ROBO1: variants seen among roughly 807,000 people sequenced by gnomAD.
ROBO1 encodes the protein roundabout homolog 1.
In ROBO1, 149 loss-of-function variants were observed where a neutral mutation model predicts 195.9. The observed-to-expected ratio is 0.76, with a 90% CI of 0.67 to 0.87. The LOEUF (loss-of-function observed/expected upper bound fraction) is 0.87. Among genes scored for constraint, ROBO1 ranks in the 40% least tolerant of loss-of-function variants. The probability of loss-of-function intolerance (pLI) is 0.00; values close to 1 mark genes in which losing one functional copy is unlikely to be tolerated. For missense variants in ROBO1, 1,933 were observed against 2,068.3 expected, an observed-to-expected ratio of 0.93 and a Z score of 1.27; for synonymous variants, 816 against 733.2, an observed-to-expected ratio of 1.11 and a Z score of -1.82.
At chr3:79,056,559 C>A (rs2078813090) in intron 3 of ROBO1, among the ~76,000 whole-genome samples, 1 of 152,056 alleles carries the variant, frequency 6.6e-6, no homozygotes, top group Admixed American at 6.6e-5. Flanking sequence ...AAAGGACTTC[C>A]AAAAACTCTT....
chr3:79,185,609 G>C (rs1473210436), intron 2 of ROBO1, among the ~76,000 whole-genome samples: 1 of 151,938 alleles, frequency 6.6e-6, no homozygotes, highest in Non-Finnish European at 1.5e-5. Flanking sequence ...CTGTCTCCAG[G>C]GTACTTGTTT....
At chr3:79,667,509 A>G (rs114580864) in intron 1 of ROBO1, among the ~76,000 whole-genome samples, 3 of 152,024 alleles carry the variant, frequency 2.0e-5, no homozygotes, top group Non-Finnish European at 4.4e-5. Flanking sequence ...AAGGAATAAC[A>G]GCACAGTATG....
At chr3:78,644,424 A>G (rs2107584633) in intron 21 of ROBO1, among the ~76,000 whole-genome samples, 1 of 152,320 alleles carries the variant, frequency 6.6e-6, no homozygotes, top group South Asian at 2.1e-4. Context: ...GCATGAATAA[A>G]TAATTCTAAA....
chr3:79,584,993 T>C (rs1278176692), intron 2 of ROBO1, among the ~76,000 whole-genome samples: 1 of 152,004 alleles, frequency 6.6e-6, no homozygotes, highest in East Asian at 1.9e-4. Context: ...TCTTATATTA[T>C]GATTTTCTTC....
At chr3:79,017,818 G>T (rs2077988320) in intron 3 of ROBO1, among the ~76,000 whole-genome samples, 1 of 152,144 alleles carries the variant, frequency 6.6e-6, no homozygotes, top group South Asian at 2.1e-4. Context: ...AACCCAGCGA[G>T]GCAGTGGCTA....
intron 1 of ROBO1, among the ~76,000 whole-genome samples, chr3:79,746,926 T>TA (rs1423957286): frequency 6.6e-6 from 1 of 152,098 alleles, no homozygotes; most frequent in African/African-American, 2.4e-5. Context: ...ATTTTCTTTG[T>TA]AAAAAAGCAT....
At chr3:78,962,840 A>AAAAAAC (rs1338217610) in intron 3 of ROBO1, among the ~76,000 whole-genome samples, 2 of 151,254 alleles carry the variant, frequency 1.3e-5, no homozygotes, top group African/African-American at 4.9e-5. Context: ...AAAAAAAAAA[A>AAAAAAC]AAAAAAAAAC....
intron 3 of ROBO1, among the ~76,000 whole-genome samples, chr3:79,070,112 A>G (rs2079062623): frequency 6.6e-6 from 1 of 151,722 alleles, no homozygotes; most frequent in Non-Finnish European, 1.5e-5. Context: ...AGTCTTAACT[A>G]AACAATATCT....
At chr3:78,968,768 C>T (rs2076702315) in intron 3 of ROBO1, among the ~76,000 whole-genome samples, 2 of 152,108 alleles carry the variant, frequency 1.3e-5, no homozygotes, top group African/African-American at 4.8e-5. Flanking sequence ...TGCAATGCAT[C>T]CTTCTTGGCT....
intron 4 of ROBO1, among the ~76,000 whole-genome samples, chr3:78,915,828 A>T (rs2038529053): frequency 6.6e-6 from 1 of 152,036 alleles, no homozygotes; most frequent in Admixed American, 6.6e-5. Context: ...GCTAATTTTT[A>T]AAAAATGTTT....
chr3:79,172,021 A>G (rs1024157121), intron 2 of ROBO1, among the ~76,000 whole-genome samples: 7 of 152,162 alleles, frequency 4.6e-5, no homozygotes, highest in African/African-American at 1.7e-4. Context: ...GTATGTGATA[A>G]AGTAAAACAA....
At chr3:78,649,334 C>T (rs1706502250) in intron 19 of ROBO1, among the ~76,000 whole-genome samples, 1 of 152,038 alleles carries the variant, frequency 6.6e-6, no homozygotes, top group African/African-American at 2.4e-5. Flanking sequence ...TCACTGCTAG[C>T]ACACGAAATA....
chr3:79,568,303 AG>A (rs1055479951), intron 2 of ROBO1, among the ~76,000 whole-genome samples: 3 of 152,150 alleles, frequency 2.0e-5, no homozygotes, highest in African/African-American at 7.2e-5. Context: ...ACCCTTATAA[AG>A]GGGCAAAAGG....
chr3:79,542,887 T>C (rs1942127881), intron 2 of ROBO1, among the ~76,000 whole-genome samples: 1 of 152,082 alleles, frequency 6.6e-6, no homozygotes. Flanking sequence ...AAATTTCCCT[T>C]TAATATAGCA....
chr3:78,890,547 C>G (rs1191403388), intron 4 of ROBO1, among the ~76,000 whole-genome samples: 1 of 152,152 alleles, frequency 6.6e-6, no homozygotes, highest in Non-Finnish European at 1.5e-5. Flanking sequence ...GGAGCCCAAA[C>G]TGATCAGCAC....
chr3:78,883,274 G>C (rs183119077), intron 4 of ROBO1, among the ~76,000 whole-genome samples: 1 of 151,682 alleles, frequency 6.6e-6, no homozygotes, highest in Admixed American at 6.6e-5. Flanking sequence ...AGGTGGCACA[G>C]AATTTAGTAT....
intron 2 of ROBO1, among the ~76,000 whole-genome samples, chr3:79,437,751 A>T (rs1559899107): frequency 6.6e-6 from 1 of 151,926 alleles, no homozygotes; most frequent in Non-Finnish European, 1.5e-5. Context: ...GTATAGTGGG[A>T]GTTGGTGATG....
At chr3:79,275,662 A>G (rs879377425) in intron 2 of ROBO1, among the ~76,000 whole-genome samples, 1 of 152,024 alleles carries the variant, frequency 6.6e-6, no homozygotes, top group Admixed American at 6.6e-5. Flanking sequence ...AATACAGGAC[A>G]TCCAAACTGG....
At chr3:79,735,423 C>A (rs766669270) in intron 1 of ROBO1, among the ~76,000 whole-genome samples, 1 of 152,090 alleles carries the variant, frequency 6.6e-6, no homozygotes, top group African/African-American at 2.4e-5. Context: ...ATAGCATGCA[C>A]GTTCAAATCT....
Sources: allele counts gnomAD v4.1 joint callset (sites outside exome capture counted in the v4.1 genomes callset), GRCh38; gene constraint gnomAD v4.1.1; transcripts MANE v1.5; gene names NCBI Gene and HGNC (gene_info 2026-07-23, HGNC 2026-07-21).